The following RDX variants were observed in gnomAD, a reference collection of about 807,000 sequenced individuals.
The protein encoded by RDX is radixin, also known as deafness, autosomal recessive 24.
RDX carries 32 observed loss-of-function variants against 83.7 expected under a neutral mutation model. That is an observed-to-expected ratio of 0.38 (90% CI 0.29 to 0.51). RDX has a LOEUF of 0.51. Among genes scored for constraint, RDX ranks in the 20% least tolerant of loss-of-function variants. The pLI, the probability that RDX is intolerant of heterozygous loss-of-function variation, is 0.87. For missense variants in RDX, 600 were observed against 689.9 expected (o/e 0.87, Z 1.46); for synonymous variants, 229 against 222.7 (o/e 1.03, Z -0.25).
chr11:110,286,479 C>G (rs575959607), intron 1 of RDX, among the ~76,000 whole-genome samples: 1 of 152,310 alleles, frequency 6.6e-6, no homozygotes, highest in East Asian at 1.9e-4. Flanking sequence ...ACATTGAGCT[C>G]TGTTAGGTCA....
intron 2 of RDX, among the ~76,000 whole-genome samples, chr11:110,276,669 T>A (rs1379810786): frequency 6.6e-6 from 1 of 152,202 alleles, no homozygotes; most frequent in Non-Finnish European, 1.5e-5. Context: ...TTCAAAATCT[T>A]TTGAAAGAAG....
intron 5 of RDX, among the ~76,000 whole-genome samples, chr11:110,261,008 T>C (rs1859782565): frequency 6.6e-6 from 1 of 152,188 alleles, no homozygotes; most frequent in South Asian, 2.1e-4. Flanking sequence ...TCCAACAAGA[T>C]CTGTCCTAGG....
chr11:110,205,380 G>A (rs2134245232), intron 14 of RDX, among the ~76,000 whole-genome samples: 1 of 112,076 alleles, frequency 8.9e-6, no homozygotes, highest in South Asian at 3.1e-4. Context: ...AAATTATGAG[G>A]AGAATAATTT....
chr11:110,182,559 C>G (rs539148897), intron 15 of RDX, among the ~76,000 whole-genome samples: 1 of 152,268 alleles, frequency 6.6e-6, no homozygotes, highest in Non-Finnish European at 1.5e-5. Context: ...TGAGATCTTG[C>G]CACGGTACTC....
chr11:110,190,269 G>A (rs532438456), intron 15 of RDX, among the ~76,000 whole-genome samples: 50 of 152,036 alleles, frequency 3.3e-4, no homozygotes, highest in Non-Finnish European at 5.3e-4. Flanking sequence ...GTGAAACCCC[G>A]TCTCTACTAA....
At chr11:110,241,463 ATTT>A (rs1226702113) in intron 10 of RDX, among the ~76,000 whole-genome samples, 1 of 151,956 alleles carries the variant, frequency 6.6e-6, no homozygotes, top group South Asian at 2.1e-4. Flanking sequence ...CACCCAGCTA[ATTT>A]TTTTATTTTT....
chr11:110,176,934 G>A (rs888723185), intron 15 of RDX, among the ~76,000 whole-genome samples: 2 of 152,100 alleles, frequency 1.3e-5, no homozygotes, highest in Non-Finnish European at 2.9e-5. Flanking sequence ...GCGCAACATC[G>A]CACAGTCGGC....
chr11:110,273,268 C>T lies in RDX; in HGVS notation c.13-649G>A, dbSNP rs542777324. Among the ~76,000 whole-genome samples, 7 of 152,284 alleles carry T rather than the reference C, an allele frequency of 4.6e-5. No homozygotes were observed. In the South Asian group the frequency reaches 1.2e-3, roughly 27 times the overall value. Reference sequence around the variant, plus strand: ...GAGGTATTTAAATTGAGGTCTAACTCCAAATTCTTTGAATGTGATTCACTA... The same window carrying T: ...GAGGTATTTAAATTGAGGTCTAACTTCAAATTCTTTGAATGTGATTCACTA... On this transcript the variant is annotated intron_variant, in intron 2 of 13. Coordinates refer to ENST00000645495, the MANE Select transcript of RDX (RefSeq NM_002906.4).
intron 13 of RDX, among the ~76,000 whole-genome samples, chr11:110,232,657 A>G (rs966982583): frequency 1.3e-5 from 2 of 152,116 alleles, no homozygotes; most frequent in African/African-American, 4.8e-5. Flanking sequence ...GTCACTTACT[A>G]TTGTCCAGGC....
At chr11:110,238,209 T>C (rs1193320538) in intron 10 of RDX, among the ~76,000 whole-genome samples, 1 of 152,142 alleles carries the variant, frequency 6.6e-6, no homozygotes, top group East Asian at 1.9e-4. Flanking sequence ...TTTGATGTGA[T>C]TATATGAATT....
At chr11:110,199,418 T>TA (rs1264924493) in intron 15 of RDX, among the ~76,000 whole-genome samples, 20 of 152,226 alleles carry the variant, frequency 1.3e-4, no homozygotes, top group African/African-American at 4.6e-4. Context: ...GCTGTAAAGA[T>TA]AGAGGTTGCT....
At chr11:110,204,442 C>T (rs1359588083) in intron 14 of RDX, among the ~76,000 whole-genome samples, 1 of 150,984 alleles carries the variant, frequency 6.6e-6, no homozygotes, top group Non-Finnish European at 1.5e-5. Flanking sequence ...GGTGGAAAGA[C>T]ACTGCATATT....
rs754733997 is a variant in RDX, at chr11:110,233,412, G to C, written c.1412C>G (p.Pro471Arg). 1.2e-6 allele frequency: 2 copies of C among 1,613,894 alleles called. No homozygotes were observed. The highest frequency in any genetic ancestry group is 8.5e-7 in the Non-Finnish European group (1 of 1,179,872). The part of the protein sequence containing the change: ...EELKTVMSAP[P>R]PPPPPPVIPP... ...AATGACTGGTGGTGGTGGAGGTGGA[G>C]GGGGGGCAGACATCACAGTTTTTAA... Residue 471 changes from proline (P) to arginine (R), a missense_variant, in exon 13 of 14, where the codon CCT becomes CGT. Coordinates refer to ENST00000645495, the MANE Select transcript of RDX (RefSeq NM_002906.4).
intron 5 of RDX, chr11:110,263,296 G>A (rs1273252509): frequency 6.6e-6 from 1 of 151,648 alleles, no homozygotes; most frequent in Non-Finnish European, 1.5e-5. Flanking sequence ...GAAAAAGTCA[G>A]AGAATTCTAT....
At chr11:110,211,531 T>C (rs1238381670) in intron 14 of RDX, among the ~76,000 whole-genome samples, 1 of 151,400 alleles carries the variant, frequency 6.6e-6, no homozygotes, top group Non-Finnish European at 1.5e-5. Flanking sequence ...CAGAATATAC[T>C]TTTTTTTCAG....
Position 110,279,728 on chromosome 11 carries a change from TC to T in RDX, c.-37del. Reference sequence around the variant, plus strand: ...TTTTTGTTACCTTCTTTAAAAATTCTCCACTTCAATGAATTCTGTTATCACT... The same window carrying T: ...TTTTTGTTACCTTCTTTAAAAATTCTCACTTCAATGAATTCTGTTATCACT... On this transcript the variant is annotated 5_prime_UTR_variant, in exon 2 of 14. Coordinates refer to ENST00000645495, the MANE Select transcript of RDX (RefSeq NM_002906.4). The T allele has an allele frequency of 7.1e-7, 1 of 1,410,866 alleles. No individual in the cohort carries two copies. The allele number at this position is 1,410,866 out of a possible 1,614,324, so 87.4% of individuals were successfully genotyped here.
chr11:110,207,900 A>G (rs7925907), intron 14 of RDX, among the ~76,000 whole-genome samples: 8,904 of 152,222 alleles, frequency 0.058, 875 homozygotes, highest in African/African-American at 0.2. Flanking sequence ...AAATATAATT[A>G]CAGTAATTTT....
Position 110,232,022 on chromosome 11 carries a change from T to C in RDX, c.1599A>G (p.Ser533=), listed in dbSNP as rs1345550305. ...RVKKQLQALS[S]ELAQARDETK... ...TTTCATCTCTGGCTTGGGCTAATTC[T>C]GAACTTAATGCCTATTTAAAAAATA... Residue 533 remains serine, a synonymous_variant, in exon 14 of 14, where the codon TCA becomes TCG. Coordinates refer to ENST00000645495, the MANE Select transcript of RDX (RefSeq NM_002906.4). 6.2e-7 allele frequency: 1 copy of C among 1,612,282 alleles called. No homozygotes were observed. The highest frequency in any genetic ancestry group is 8.5e-7 in the Non-Finnish European group (1 of 1,178,496).
chr11:110,293,992 TATATC>T (rs1239064030), intron 1 of RDX, among the ~76,000 whole-genome samples: 2 of 152,230 alleles, frequency 1.3e-5, no homozygotes, highest in Non-Finnish European at 2.9e-5. Flanking sequence ...TTCAGACTAT[TATATC>T]AGATCACACA....
Sources: gnomAD v4.1 joint callset for allele counts (sites outside exome capture counted in the v4.1 genomes callset) on GRCh38, gnomAD v4.1.1 for gene constraint, MANE v1.5 for transcripts, NCBI Gene and HGNC (gene_info 2026-07-23, HGNC 2026-07-21) for gene names.